NFIB: variants seen among roughly 807,000 people sequenced by gnomAD.
The protein encoded by NFIB is nuclear factor 1 B-type.
Under a neutral mutation model 61.5 loss-of-function variants are expected in NFIB, and 11 were observed. That is an observed-to-expected ratio of 0.18 (90% confidence interval 0.11 to 0.30). The LOEUF is 0.30. Ranked by LOEUF, NFIB falls within the 10% of genes least tolerant of loss-of-function variation. NFIB has a pLI of 1.00. For missense variants in NFIB, 471 were observed against 608.9 expected (o/e 0.77, Z 2.38); for synonymous variants, 260 against 216.5 (o/e 1.20, Z -1.76).
At chr9:14,141,837 G>A (rs1473636039) in intron 6 of NFIB, among the ~76,000 whole-genome samples, 1 of 141,028 alleles carries the variant, frequency 7.1e-6, no homozygotes, top group East Asian at 2.3e-4. Flanking sequence ...ACCCGCTGGG[G>A]TCCCCCTTCC....
At chr9:14,317,924 G>A (rs551724874), upstream of NFIB, among the ~76,000 whole-genome samples, 3 of 152,198 alleles carry the variant, frequency 2.0e-5, no homozygotes, top group African/African-American at 4.8e-5. Context: ...CGTCTGTGTC[G>A]TGGTATTAAG....
At chr9:14,483,682 G>T in the NFIB span, among the ~76,000 whole-genome samples, 1 of 152,180 alleles carries the variant, frequency 6.6e-6, no homozygotes. Context: ...CCCAGTGAGT[G>T]TTAGCAATAA....
intron 2 of NFIB, among the ~76,000 whole-genome samples, chr9:14,182,683 C>CCTCTCTCTCTCTCTCTCTCTCT (rs144528136): frequency 2.4e-5 from 1 of 40,976 alleles, no homozygotes; most frequent in African/African-American, 6.3e-5. Context: ...ACACCCCCCA[C>CCTCTCTCTCTCTCTCTCTCTCT]CTCTCTCTCT....
chr9:14,172,521 T>C (rs1230145991), intron 3 of NFIB, among the ~76,000 whole-genome samples: 1 of 152,218 alleles, frequency 6.6e-6, no homozygotes, highest in Non-Finnish European at 1.5e-5. Context: ...TCTCTAAAGA[T>C]ACATTTGTAC....
At chr9:14,434,202 C>G in the NFIB span, among the ~76,000 whole-genome samples, 81 of 152,294 alleles carry the variant, frequency 5.3e-4, 1 homozygote, top group Non-Finnish European at 8.8e-5. Flanking sequence ...TGAGCATTGT[C>G]TTCTGGGCTG....
chr9:14,239,666 C>T (rs1045144670), intron 2 of NFIB, among the ~76,000 whole-genome samples: 2 of 152,072 alleles, frequency 1.3e-5, no homozygotes, highest in African/African-American at 4.8e-5. Context: ...ATAATGATAT[C>T]CATGTGATCA....
At chr9:14,298,518 A>G (rs909861089) in intron 2 of NFIB, among the ~76,000 whole-genome samples, 11 of 152,182 alleles carry the variant, frequency 7.2e-5, no homozygotes, top group Admixed American at 2.0e-4. Flanking sequence ...TCCAAATGCC[A>G]GAATACTATG....
chr9:14,153,183 C>T (rs1027006792), intron 4 of NFIB, among the ~76,000 whole-genome samples: 5 of 151,980 alleles, frequency 3.3e-5, no homozygotes, highest in Admixed American at 3.3e-4. Context: ...GTAAAGATAG[C>T]AATAAAATAA....
intron 2 of NFIB, among the ~76,000 whole-genome samples, chr9:14,193,345 T>C (rs1352426424): frequency 6.6e-6 from 1 of 152,154 alleles, no homozygotes; most frequent in African/African-American, 2.4e-5. Flanking sequence ...GTTTGATTAT[T>C]TTTGTAAAAT....
intron 5 of NFIB, among the ~76,000 whole-genome samples, chr9:14,148,117 T>C (rs2042470683): frequency 6.6e-6 from 1 of 152,146 alleles, no homozygotes; most frequent in Non-Finnish European, 1.5e-5. Flanking sequence ...GTGAATTCTT[T>C]TCTTTTTTTG....
chr9:14,417,190 C>T, the NFIB span, among the ~76,000 whole-genome samples: 1 of 152,072 alleles, frequency 6.6e-6, no homozygotes, highest in Admixed American at 6.6e-5. Flanking sequence ...CACACCCGGC[C>T]TTAAATCTTT....
At chr9:14,317,109 C>CA (rs1430377383), upstream of NFIB, 1 of 152,108 alleles carries the variant, frequency 6.6e-6, no homozygotes, top group Non-Finnish European at 1.5e-5. Context: ...TGTCCCCTGG[C>CA]AAAAAGAGGC....
At chr9:14,481,197 G>GTGTATATA in the NFIB span, among the ~76,000 whole-genome samples, 189 of 45,800 alleles carry the variant, frequency 4.1e-3, 6 homozygotes, top group Middle Eastern at 0.021. Context: ...GTGTGTGTGT[G>GTGTATATA]TATATATATA....
intron 1 of NFIB, among the ~76,000 whole-genome samples, chr9:14,390,178 C>G (rs896896197): frequency 2.6e-5 from 4 of 152,116 alleles, no homozygotes; most frequent in Non-Finnish European, 5.9e-5. Context: ...GAAAAAAAGG[C>G]AAGCAATCAT....
the NFIB span, among the ~76,000 whole-genome samples, chr9:14,484,794 G>C: frequency 6.6e-6 from 1 of 152,210 alleles, no homozygotes; most frequent in Non-Finnish European, 1.5e-5. Flanking sequence ...TGGGGAGCCT[G>C]TATCTGTATG....
chr9:14,123,845 C>T (rs564444362), intron 7 of NFIB, among the ~76,000 whole-genome samples: 1 of 150,682 alleles, frequency 6.6e-6, no homozygotes. Flanking sequence ...CTGCCTCCCA[C>T]ATTGCCCCTC....
chr9:14,271,573 C>A (rs2057628281), intron 2 of NFIB, among the ~76,000 whole-genome samples: 1 of 152,068 alleles, frequency 6.6e-6, no homozygotes, highest in South Asian at 2.1e-4. Context: ...CCAAGAGACT[C>A]AGCTGGACGA....
chr9:14,134,845 C>T (rs1044030220), intron 6 of NFIB, among the ~76,000 whole-genome samples: 5 of 143,472 alleles, frequency 3.5e-5, no homozygotes, highest in Admixed American at 2.9e-4. Flanking sequence ...TGGCAGTGAG[C>T]CAAGATCACG....
chr9:14,100,968 A>G (rs547449234), intron 10 of NFIB, among the ~76,000 whole-genome samples: 3 of 152,052 alleles, frequency 2.0e-5, no homozygotes, highest in Admixed American at 2.0e-4. Flanking sequence ...GAAATATAAG[A>G]GAGTTATTCA....
Sources: gnomAD v4.1 joint callset for allele counts (sites outside exome capture counted in the v4.1 genomes callset) on GRCh38, gnomAD v4.1.1 for gene constraint, MANE v1.5 for transcripts, NCBI Gene and HGNC (gene_info 2026-07-23, HGNC 2026-07-21) for gene names.